SLC25A21: variants seen among roughly 807,000 people sequenced by gnomAD.
SLC25A21 encodes the protein mitochondrial 2-oxodicarboxylate carrier.
Under a neutral mutation model 43.8 loss-of-function variants are expected in SLC25A21, and 47 were observed. The ratio of observed to expected loss-of-function variants is 1.07; its 90% CI spans 0.85 to 1.37. The LOEUF (loss-of-function observed/expected upper bound fraction) is 1.37, where lower values mean the gene tolerates loss of function less well. SLC25A21 is among the 40% of genes most tolerant of loss of function. The pLI, the probability that SLC25A21 is intolerant of heterozygous loss-of-function variation, is 0.00. For synonymous variants in SLC25A21, 131 were observed against 121.3 expected (o/e 1.08, Z -0.52); for missense variants, 352 against 350.2 (o/e 1.00, Z -0.04).
In SLC25A21 at chr14:36,683,521, A is replaced by AAG. The variant is rs546862869; in HGVS notation, c.838+305_838+306dup. 6.7e-3 allele frequency among the ~76,000 whole-genome samples: 1,023 copies of AAG among 152,322 alleles called. 9 individuals carry two copies. Among genetic ancestry groups the AAG allele is most frequent in the Non-Finnish European group, 0.011 (766 of 68,030 alleles). On this transcript the variant is annotated intron_variant, in intron 9 of 9. Transcript: ENST00000331299. Reference sequence around the variant, plus strand: ...AGTGAAAAGCCTCCCCTTCAGCCAGAAGCCACTGCACACACCTCGGCTCTC... The same window carrying AAG: ...AGTGAAAAGCCTCCCCTTCAGCCAGAAGAGCCACTGCACACACCTCGGCTCTC...
intron 1 of SLC25A21, among the ~76,000 whole-genome samples, chr14:36,890,465 G>C (rs1199908205): frequency 6.6e-6 from 1 of 152,126 alleles, no homozygotes. Flanking sequence ...ATGGTATTGA[G>C]AGTAGAGGCT....
At chr14:36,738,824 T>C (rs986525050) in intron 3 of SLC25A21, among the ~76,000 whole-genome samples, 6 of 152,244 alleles carry the variant, frequency 3.9e-5, no homozygotes, top group Non-Finnish European at 5.9e-5. Context: ...TAAATATTAT[T>C]GTAAGTAAAA....
At chr14:36,934,144 T>G (rs1892360020) in intron 1 of SLC25A21, among the ~76,000 whole-genome samples, 1 of 152,182 alleles carries the variant, frequency 6.6e-6, no homozygotes, top group African/African-American at 2.4e-5. Context: ...GCCCAAATTG[T>G]TTTAGAAAGA....
At chr14:37,143,661 G>T (rs1018331087) in intron 1 of SLC25A21, among the ~76,000 whole-genome samples, 3 of 151,682 alleles carry the variant, frequency 2.0e-5, no homozygotes, top group African/African-American at 7.3e-5. Flanking sequence ...AGGGGAAGAA[G>T]GCATTTGACT....
chr14:36,713,020 G>A (rs1401250023), intron 6 of SLC25A21, among the ~76,000 whole-genome samples: 1 of 152,172 alleles, frequency 6.6e-6, no homozygotes, highest in Non-Finnish European at 1.5e-5. Context: ...GGGGGAAGGA[G>A]AGGGCAGCTT....
At chr14:36,700,829 C>T (rs2139169640) in intron 7 of SLC25A21, among the ~76,000 whole-genome samples, 1 of 152,304 alleles carries the variant, frequency 6.6e-6, no homozygotes, top group South Asian at 2.1e-4. Flanking sequence ...GGCAGATACA[C>T]ACACTGGTTA....
intron 3 of SLC25A21, among the ~76,000 whole-genome samples, chr14:36,792,006 A>T (rs938226819): frequency 6.6e-6 from 1 of 152,126 alleles, no homozygotes; most frequent in Non-Finnish European, 1.5e-5. Flanking sequence ...TCTGTGTTAT[A>T]CTACACTTCA....
chr14:37,094,813 A>G (rs1962655000), intron 1 of SLC25A21, among the ~76,000 whole-genome samples: 2 of 152,190 alleles, frequency 1.3e-5, no homozygotes, highest in Non-Finnish European at 2.9e-5. Flanking sequence ...TATGGTATAC[A>G]GAATGAAGTC....
At chr14:36,838,799 A>C (rs1249283521) in intron 2 of SLC25A21, among the ~76,000 whole-genome samples, 1 of 152,140 alleles carries the variant, frequency 6.6e-6, no homozygotes, top group East Asian at 1.9e-4. Flanking sequence ...GAAAGTCTTA[A>C]TTATTTCTTA....
At chr14:36,730,475 C>A (rs1231637247) in intron 4 of SLC25A21, among the ~76,000 whole-genome samples, 90 of 152,048 alleles carry the variant, frequency 5.9e-4, no homozygotes, top group Non-Finnish European at 2.1e-4. Context: ...ATTATATGGT[C>A]CCCAATATTT....
intron 1 of SLC25A21, 67 bp from the exon 2 acceptor site, chr14:36,875,071 G>A: frequency 2.3e-6 from 3 of 1,291,164 alleles, no homozygotes; most frequent in African/African-American, 1.5e-5. Context: ...CCTTGATCCC[G>A]TCGATTTCTC....
chr14:36,963,806 C>T (rs1959553010), intron 1 of SLC25A21, among the ~76,000 whole-genome samples: 1 of 152,154 alleles, frequency 6.6e-6, no homozygotes, highest in Non-Finnish European at 1.5e-5. Flanking sequence ...GCTAGAACAT[C>T]ACTGTTTTTG....
At chr14:37,013,178 G>C (rs1442627121) in intron 1 of SLC25A21, among the ~76,000 whole-genome samples, 1 of 152,122 alleles carries the variant, frequency 6.6e-6, no homozygotes, top group Non-Finnish European at 1.5e-5. Context: ...TAGAACACCA[G>C]GCTTTCTCCC....
At chr14:37,119,697 C>A (rs1216785628) in intron 1 of SLC25A21, among the ~76,000 whole-genome samples, 2 of 152,200 alleles carry the variant, frequency 1.3e-5, no homozygotes, top group African/African-American at 4.8e-5. Flanking sequence ...ATTCTATATT[C>A]TATGGATTTG....
intron 2 of SLC25A21, among the ~76,000 whole-genome samples, chr14:36,859,480 G>A (rs780420480): frequency 1.4e-4 from 21 of 152,342 alleles, no homozygotes; most frequent in Middle Eastern, 3.4e-3. Flanking sequence ...CCAGGAGGGT[G>A]AGTCTTCTCT....
intron 1 of SLC25A21, among the ~76,000 whole-genome samples, chr14:37,068,747 C>T (rs1437021221): frequency 4.6e-5 from 7 of 152,154 alleles, no homozygotes; most frequent in Admixed American, 3.3e-4. Context: ...CTGATATGTA[C>T]ATCCCATGTA....
At chr14:37,118,761 AG>A (rs1279897980) in intron 1 of SLC25A21, among the ~76,000 whole-genome samples, 1 of 152,120 alleles carries the variant, frequency 6.6e-6, no homozygotes, top group Non-Finnish European at 1.5e-5. Flanking sequence ...TTCCTTACCT[AG>A]TAATTGATTC....
At chr14:37,090,355 G>A (rs565719754) in intron 1 of SLC25A21, among the ~76,000 whole-genome samples, 61 of 152,340 alleles carry the variant, frequency 4.0e-4, no homozygotes, top group Non-Finnish European at 7.1e-4. Context: ...TGCAAGCAGC[G>A]CCCTGGATGT....
chr14:36,873,297 T>C (rs939998070), intron 2 of SLC25A21, among the ~76,000 whole-genome samples: 4 of 151,900 alleles, frequency 2.6e-5, no homozygotes, highest in African/African-American at 9.7e-5. Flanking sequence ...CTTTTATTGA[T>C]TTATTTATTT....
Sources: gnomAD v4.1 joint callset for allele counts (sites outside exome capture counted in the v4.1 genomes callset) on GRCh38, gnomAD v4.1.1 for gene constraint, MANE v1.5 for transcripts, NCBI Gene and HGNC (gene_info 2026-07-23, HGNC 2026-07-21) for gene names.